CYTH1: variants seen among roughly 807,000 people sequenced by gnomAD.
The protein encoded by CYTH1 is cytohesin-1.
In CYTH1, 18 loss-of-function variants were observed where a neutral mutation model predicts 61.8. That is an observed-to-expected ratio of 0.29 (90% CI 0.20 to 0.43). CYTH1 has a LOEUF of 0.43. CYTH1 is among the 20% of genes least tolerant of loss of function. The pLI is 1.00. For missense variants in CYTH1, 336 were observed against 510.5 expected, an observed-to-expected ratio of 0.66 and a Z score of 3.29; for synonymous variants, 174 against 184.3, an observed-to-expected ratio of 0.94 and a Z score of 0.45.
intron 1 of CYTH1, among the ~76,000 whole-genome samples, chr17:78,774,254 A>G (rs1416311422): frequency 6.6e-6 from 1 of 152,198 alleles, no homozygotes; most frequent in Admixed American, 6.5e-5. Context: ...ATATATCTTA[A>G]AGACCACAAA....
chr17:78,756,430 A>T (rs1346927775), intron 1 of CYTH1, among the ~76,000 whole-genome samples: 2 of 152,054 alleles, frequency 1.3e-5, no homozygotes, highest in Non-Finnish European at 2.9e-5. Context: ...TACCTCAATA[A>T]TTTTTTTAAA....
chr17:78,709,419 C>A, intron 2 of CYTH1: 2 of 506,342 alleles, frequency 3.9e-6, no homozygotes, highest in African/African-American at 2.0e-5. Context: ...CCAGCTCCGA[C>A]AACCGACCAA....
At chr17:78,734,432 C>CTTTT (rs10557033) in intron 1 of CYTH1, among the ~76,000 whole-genome samples, 5 of 62,712 alleles carry the variant, frequency 8.0e-5, no homozygotes, top group Non-Finnish European at 1.1e-4. Context: ...TAAAAAAAAG[C>CTTTT]TTTTTTTTTT....
Position 78,700,265 on chromosome 17 carries a change from C to T in CYTH1, c.550+66G>A. On this transcript the variant is annotated intron_variant, in intron 7 of 13. Coordinates refer to ENST00000446868, the MANE Select transcript of CYTH1 (RefSeq NM_004762.6). This position sits in a 1 kb window ranked among gnomAD's most constrained non-coding sequence, Gnocchi z 5.1. ...TCAGCCCTTTTGTTTTAGAAATTATCTGGTGCCAAGAAAATAATCCAGTGT... is the reference window on the plus strand; with the variant it reads ...TCAGCCCTTTTGTTTTAGAAATTATTTGGTGCCAAGAAAATAATCCAGTGT... 3 of 1,369,826 alleles carry T rather than the reference C, an allele frequency of 2.2e-6. No homozygotes were observed. Among genetic ancestry groups the T allele is most frequent in the Non-Finnish European group, 3.0e-6 (3 of 1,008,268 alleles). 84.9% of individuals were successfully genotyped at this position (1,369,826 alleles called of 1,614,324 possible).
chr17:78,693,618 C>T (rs1040429591), intron 10 of CYTH1, among the ~76,000 whole-genome samples: 25 of 144,864 alleles, frequency 1.7e-4, no homozygotes, highest in Admixed American at 1.5e-3. Flanking sequence ...GAGACTCCCT[C>T]TCAAAAAAAA....
At chr17:78,684,118 G>A (rs1051311562) in intron 11 of CYTH1, among the ~76,000 whole-genome samples, 1 of 152,124 alleles carries the variant, frequency 6.6e-6, no homozygotes. Flanking sequence ...GACCCTCCTG[G>A]TCACCGGGAG....
At chr17:78,782,167 C>G in intron 1 of CYTH1, 35 bp downstream of exon 1, 1 of 1,352,552 alleles carries the variant, frequency 7.4e-7, no homozygotes, top group Admixed American at 2.8e-5. Flanking sequence ...TGGGGGACAG[C>G]GAGGGGGAAG....
chr17:78,769,442 A>T (rs986219812), intron 1 of CYTH1, among the ~76,000 whole-genome samples: 6 of 151,906 alleles, frequency 3.9e-5, no homozygotes, highest in Non-Finnish European at 8.8e-5. Flanking sequence ...GCACTAACTC[A>T]TCTTTCACAA....
chr17:78,727,687 C>T (rs1163126803), intron 1 of CYTH1: 3 of 471,160 alleles, frequency 6.4e-6, no homozygotes, highest in South Asian at 3.1e-5. Flanking sequence ...CAGGCACGGC[C>T]GACCCAAGCC....
chr17:78,683,720 T>C (rs981002633), intron 11 of CYTH1, among the ~76,000 whole-genome samples: 1 of 152,248 alleles, frequency 6.6e-6, no homozygotes, highest in Non-Finnish European at 1.5e-5. Context: ...GCACTCAGAC[T>C]TCTGCCTGGG....
intron 1 of CYTH1, among the ~76,000 whole-genome samples, chr17:78,765,350 A>G (rs978163061): frequency 6.6e-6 from 1 of 152,172 alleles, no homozygotes; most frequent in Admixed American, 6.5e-5. Flanking sequence ...GATATCATAA[A>G]CCCATAAAAT....
chr17:78,756,663 T>C (rs2093402452), intron 1 of CYTH1, among the ~76,000 whole-genome samples: 1 of 152,094 alleles, frequency 6.6e-6, no homozygotes, highest in South Asian at 2.1e-4. Flanking sequence ...ATTATTTGAG[T>C]GGACTCATCT....
chr17:78,731,768 A>AC (rs1454385876), intron 1 of CYTH1, among the ~76,000 whole-genome samples: 1 of 151,780 alleles, frequency 6.6e-6, no homozygotes, highest in Non-Finnish European at 1.5e-5. Context: ...AAAAAAAAAA[A>AC]AAACAAAAAA....
At position 78,710,931 on chromosome 17, in the gene CYTH1, A is replaced by G. The variant is rs146306297; in HGVS notation, c.23-1199T>C. Among the ~76,000 whole-genome samples the G allele has an allele frequency of 3.1e-3, 467 of 152,172 alleles. 3 individuals are homozygous for G. Among genetic ancestry groups the G allele is most frequent in the African/African-American group, 1.0e-2 (415 of 41,504 alleles). On this transcript the variant is annotated intron_variant, in intron 1 of 13. Coordinates refer to ENST00000446868, the MANE Select transcript of CYTH1 (RefSeq NM_004762.6). ...GCCCCACGTGACATTAACCACTTGA[A>G]ATGTCACCACCCAGTTTGAGATGTG...
At chr17:78,713,546 T>C (rs1452270391) in intron 1 of CYTH1, among the ~76,000 whole-genome samples, 234 of 139,220 alleles carry the variant, frequency 1.7e-3, no homozygotes, top group Middle Eastern at 0.017. Flanking sequence ...TAAAAGAAAT[T>C]CCTATCTCAA....
intron 9 of CYTH1, among the ~76,000 whole-genome samples, chr17:78,696,234 G>GT (rs2092937140): frequency 6.6e-6 from 1 of 152,148 alleles, no homozygotes; most frequent in Non-Finnish European, 1.5e-5. Flanking sequence ...TACATGCCAC[G>GT]TTCCACCTCA....
At chr17:78,693,819 CA>C (rs1467797291) in intron 10 of CYTH1, among the ~76,000 whole-genome samples, 4 of 152,124 alleles carry the variant, frequency 2.6e-5, no homozygotes, top group African/African-American at 9.7e-5. Context: ...ATGAACCACT[CA>C]AAACTTATCC....
At chr17:78,734,249 A>G (rs2093309391) in intron 1 of CYTH1, among the ~76,000 whole-genome samples, 1 of 151,954 alleles carries the variant, frequency 6.6e-6, no homozygotes, top group African/African-American at 2.4e-5. Flanking sequence ...CTCAAAAAAA[A>G]AAAGGCAAAT....
At chr17:78,770,321 T>C (rs1484062838) in intron 1 of CYTH1, among the ~76,000 whole-genome samples, 1 of 78,056 alleles carries the variant, frequency 1.3e-5, no homozygotes. Context: ...AAAATTCCCA[T>C]CTCCAAAAAA....
Sources: allele counts gnomAD v4.1 joint callset (sites outside exome capture counted in the v4.1 genomes callset), GRCh38; gene constraint gnomAD v4.1.1; non-coding constraint Gnocchi (gnomAD v3.1); transcripts MANE v1.5; gene names NCBI Gene and HGNC (gene_info 2026-07-23, HGNC 2026-07-21).